Variants in RIT2 observed in about 807,000 individuals in gnomAD.
RIT2 encodes GTP-binding protein Rit2.
In RIT2, 24 loss-of-function variants were observed where a neutral mutation model predicts 23.7. The ratio of observed to expected loss-of-function variants is 1.01; its 90% CI spans 0.73 to 1.43. The LOEUF (loss-of-function observed/expected upper bound fraction) is 1.43, where lower values mean the gene tolerates loss of function less well. Ranked by LOEUF, RIT2 falls within the 40% of genes most tolerant of loss-of-function variation. The pLI is 0.00. For missense variants in RIT2, 236 were observed against 266.9 expected (o/e 0.88, Z 0.81); for synonymous variants, 107 against 91.1 (o/e 1.17, Z -0.99).
intron 1 of RIT2, among the ~76,000 whole-genome samples, chr18:43,059,207 C>T (rs759722547): frequency 2.0e-5 from 3 of 151,960 alleles, no homozygotes; most frequent in Admixed American, 6.6e-5. Flanking sequence ...TTCTTGCAAG[C>T]GTTTTATATA....
At chr18:42,982,260 A>G (rs1910614882) in intron 2 of RIT2, among the ~76,000 whole-genome samples, 1 of 152,126 alleles carries the variant, frequency 6.6e-6, no homozygotes, top group Admixed American at 6.6e-5. Context: ...CAGCAGAGGA[A>G]AAGTCTGTCT....
intron 1 of RIT2, among the ~76,000 whole-genome samples, chr18:43,076,836 G>C (rs1568075065): frequency 6.6e-6 from 1 of 152,082 alleles, no homozygotes; most frequent in East Asian, 1.9e-4. Flanking sequence ...GGGCGCGGTG[G>C]CTCATGCCTG....
chr18:42,792,162 A>C (rs1181369655), intron 4 of RIT2, among the ~76,000 whole-genome samples: 1 of 152,182 alleles, frequency 6.6e-6, no homozygotes, highest in African/African-American at 2.4e-5. Context: ...CTATACAAAA[A>C]AACTCATCTA....
At chr18:42,831,706 T>C (rs1182301478) in intron 4 of RIT2, among the ~76,000 whole-genome samples, 1 of 152,186 alleles carries the variant, frequency 6.6e-6, no homozygotes, top group East Asian at 1.9e-4. Context: ...TTGATCTAAT[T>C]CTTGCAGGTA....
At position 42,902,876 on chromosome 18, in the gene RIT2, G is replaced by T. The variant is rs542758292; in HGVS notation, c.426+20696C>A. On this transcript the variant is annotated intron_variant, in intron 4 of 4. Coordinates refer to ENST00000326695, the MANE Select transcript of RIT2 (RefSeq NM_002930.4). ...AATTATAGGCAAATGGATTAACATT[G>T]GCTTTAAGTAATTTCATAATATGGG... Among the ~76,000 whole-genome samples the T allele has an allele frequency of 4.0e-5, 6 of 151,528 alleles. No homozygotes were observed. The South Asian group carries it at 8.3e-4, about 21-fold the overall frequency.
chr18:43,026,885 A>G (rs1598752783), intron 2 of RIT2, among the ~76,000 whole-genome samples: 2 of 152,218 alleles, frequency 1.3e-5, no homozygotes. Context: ...ACAATCACCA[A>G]TGAAGGGAAT....
intron 2 of RIT2, among the ~76,000 whole-genome samples, chr18:42,975,377 G>A (rs1051413757): frequency 2.0e-5 from 3 of 152,056 alleles, no homozygotes; most frequent in African/African-American, 4.8e-5. Context: ...AGGCCTACTT[G>A]ATCATGATGG....
At chr18:42,953,412 G>A (rs1027554050) in intron 3 of RIT2, among the ~76,000 whole-genome samples, 1 of 152,118 alleles carries the variant, frequency 6.6e-6, no homozygotes, top group Non-Finnish European at 1.5e-5. Flanking sequence ...CCCTAAAAGT[G>A]AGTGATACAG....
intron 1 of RIT2, among the ~76,000 whole-genome samples, chr18:43,047,165 C>A (rs951975783): frequency 2.6e-5 from 4 of 151,634 alleles, no homozygotes; most frequent in Non-Finnish European, 2.9e-5. Flanking sequence ...ATTTTTCTAC[C>A]GTTTCTCCTT....
chr18:42,881,053 G>A (rs536482686), intron 4 of RIT2, among the ~76,000 whole-genome samples: 6 of 151,884 alleles, frequency 4.0e-5, no homozygotes, highest in Non-Finnish European at 7.4e-5. Flanking sequence ...TGATCCACCC[G>A]CCTCGGCCTC....
chr18:43,004,038 C>A lies in RIT2; in HGVS notation c.160+29773G>T, dbSNP rs546037369. On this transcript the variant is annotated intron_variant, in intron 2 of 4. Coordinates refer to ENST00000326695, the MANE Select transcript of RIT2 (RefSeq NM_002930.4). ...TATGCTCTGTACTGATTTTTCCCCC[C>A]GCCAGGTGGCTGTTTCACCTGCCGA... Among the ~76,000 whole-genome samples the A allele has an allele frequency of 5.3e-5, 8 of 151,800 alleles. No individual in the cohort carries two copies. In the South Asian group the frequency reaches 1.7e-3, roughly 32 times the overall value.
intron 2 of RIT2, among the ~76,000 whole-genome samples, chr18:43,006,824 G>T (rs1911239316): frequency 6.6e-6 from 1 of 151,388 alleles, no homozygotes; most frequent in Non-Finnish European, 1.5e-5. Flanking sequence ...GAATTAAAAA[G>T]AGAAGAATTT....
chr18:42,940,787 T>C (rs116371059), intron 3 of RIT2, among the ~76,000 whole-genome samples: 250 of 152,298 alleles, frequency 1.6e-3, no homozygotes, highest in African/African-American at 5.7e-3. Context: ...AGTTAGTGAA[T>C]AGGGAGATGA....
At chr18:42,866,091 A>G (rs956725123) in intron 4 of RIT2, among the ~76,000 whole-genome samples, 3 of 152,186 alleles carry the variant, frequency 2.0e-5, no homozygotes, top group Admixed American at 6.5e-5. Flanking sequence ...CAGTCCATAG[A>G]TAAAGCAATT....
At chr18:42,935,774 T>G (rs959364121) in intron 3 of RIT2, among the ~76,000 whole-genome samples, 2 of 151,936 alleles carry the variant, frequency 1.3e-5, no homozygotes, top group African/African-American at 4.8e-5. Context: ...TAGAGAACCC[T>G]CCACAGGGAG....
At chr18:42,816,923 A>G (rs1012146652) in intron 4 of RIT2, among the ~76,000 whole-genome samples, 2 of 152,196 alleles carry the variant, frequency 1.3e-5, no homozygotes, top group East Asian at 3.9e-4. Flanking sequence ...TGCATAAAAA[A>G]TAACTGGGGA....
At chr18:42,852,719 CAACTT>C (rs1197117439) in intron 4 of RIT2, among the ~76,000 whole-genome samples, 2 of 152,096 alleles carry the variant, frequency 1.3e-5, no homozygotes, top group Non-Finnish European at 1.5e-5. Context: ...TAAGTGAACT[CAACTT>C]AATTCTCTTT....
intron 3 of RIT2, among the ~76,000 whole-genome samples, chr18:42,939,729 G>T (rs953612104): frequency 6.6e-6 from 1 of 151,900 alleles, no homozygotes; most frequent in African/African-American, 2.4e-5. Context: ...CTAAAACCTG[G>T]ACTGCAAGCC....
At chr18:42,978,304 C>CT (rs11333526) in intron 2 of RIT2, among the ~76,000 whole-genome samples, 25,313 of 146,764 alleles carry the variant, frequency 0.17, 2,270 homozygotes, top group Middle Eastern at 0.23. Flanking sequence ...TTATCCACGG[C>CT]TTTTTTTTTT....
Sources: gnomAD v4.1 joint callset for allele counts (sites outside exome capture counted in the v4.1 genomes callset) on GRCh38, gnomAD v4.1.1 for gene constraint, MANE v1.5 for transcripts, NCBI Gene and HGNC (gene_info 2026-07-23, HGNC 2026-07-21) for gene names.